The following MTSS1 variants were observed in gnomAD, a reference collection of about 807,000 sequenced individuals.
The protein encoded by MTSS1 is protein MTSS 1.
MTSS1 carries 18 observed loss-of-function variants against 79.0 expected under a neutral mutation model. That is an observed-to-expected ratio of 0.23 (90% confidence interval 0.16 to 0.34). The LOEUF is 0.34. Among genes scored for constraint, MTSS1 ranks in the 10% least tolerant of loss-of-function variants. MTSS1 has a pLI of 1.00. For missense variants in MTSS1, 815 were observed against 986.2 expected (o/e 0.83, Z 2.33); for synonymous variants, 341 against 368.6 (o/e 0.93, Z 0.86).
chr8:124,657,504 C>T (rs1254786321), intron 3 of MTSS1, among the ~76,000 whole-genome samples: 1 of 150,264 alleles, frequency 6.7e-6, no homozygotes, highest in South Asian at 2.1e-4. Flanking sequence ...AGAGGACACA[C>T]ACTACTTAGT....
At chr8:124,611,901 C>T (rs1835886571) in intron 3 of MTSS1, among the ~76,000 whole-genome samples, 1 of 152,144 alleles carries the variant, frequency 6.6e-6, no homozygotes, top group African/African-American at 2.4e-5. Flanking sequence ...AAGATGGCAC[C>T]TGTGAACAGG....
chr8:124,725,148 G>C (rs907269473), intron 1 of MTSS1, among the ~76,000 whole-genome samples: 1 of 152,084 alleles, frequency 6.6e-6, no homozygotes, highest in Non-Finnish European at 1.5e-5. Flanking sequence ...TGCTTTACAT[G>C]GTGCTGTTCC....
intron 5 of MTSS1, among the ~76,000 whole-genome samples, chr8:124,587,055 G>A (rs1830985401): frequency 6.6e-6 from 1 of 152,226 alleles, no homozygotes; most frequent in Non-Finnish European, 1.5e-5. Flanking sequence ...AGTAGAAGGA[G>A]GCTCCTGCAG....
At chr8:124,570,705 A>G (rs1432579900) in intron 6 of MTSS1, among the ~76,000 whole-genome samples, 1 of 152,028 alleles carries the variant, frequency 6.6e-6, no homozygotes, top group Admixed American at 6.6e-5. Context: ...GTCTCTGCAT[A>G]ATTTTCTCCT....
intron 10 of MTSS1, 25 bp from the exon 11 acceptor site, chr8:124,557,900 G>A (rs1315062852): frequency 6.6e-7 from 1 of 1,524,274 alleles, no homozygotes; most frequent in South Asian, 1.2e-5. Flanking sequence ...AAAAAGGGGG[G>A]GGGAAGGAAA....
At chr8:124,592,277 A>G (rs1170262636) in intron 3 of MTSS1, among the ~76,000 whole-genome samples, 1 of 152,226 alleles carries the variant, frequency 6.6e-6, no homozygotes. Flanking sequence ...TGCTTGAATC[A>G]GCATTTACTG....
intron 3 of MTSS1, among the ~76,000 whole-genome samples, chr8:124,623,002 C>T (rs1813907683): frequency 6.6e-6 from 1 of 152,160 alleles, no homozygotes; most frequent in Non-Finnish European, 1.5e-5. Flanking sequence ...CCCTGTGTAA[C>T]AGTAAGAACG....
At chr8:124,676,376 G>A (rs1825290679) in intron 3 of MTSS1, among the ~76,000 whole-genome samples, 1 of 152,088 alleles carries the variant, frequency 6.6e-6, no homozygotes, top group African/African-American at 2.4e-5. Context: ...CCAAATCTTT[G>A]CCATCTAATT....
At chr8:124,650,347 A>G (rs1819732548) in intron 3 of MTSS1, among the ~76,000 whole-genome samples, 1 of 152,134 alleles carries the variant, frequency 6.6e-6, no homozygotes, top group African/African-American at 2.4e-5. Context: ...TATGTTTTAA[A>G]GGGCTGTGAA....
chr8:124,633,751 G>A (rs1232832883), intron 3 of MTSS1, among the ~76,000 whole-genome samples: 1 of 150,306 alleles, frequency 6.7e-6, no homozygotes, highest in Non-Finnish European at 1.5e-5. Context: ...CAGCCTGGGC[G>A]ACAGAGCAAG....
At chr8:124,620,800 A>T (rs752087093) in intron 3 of MTSS1, among the ~76,000 whole-genome samples, 8 of 152,362 alleles carry the variant, frequency 5.3e-5, no homozygotes, top group Non-Finnish European at 8.8e-5. Flanking sequence ...ACATCTTTTC[A>T]TCTTCCTGCA....
chr8:124,556,547 A>G, intron 11 of MTSS1, 142 bp from the exon 12 acceptor site: 6 of 907,518 alleles, frequency 6.6e-6, no homozygotes, highest in Non-Finnish European at 9.7e-6. Flanking sequence ...GGCCCTCTGC[A>G]TGCCCTCTCC....
chr8:124,587,133 A>T (rs1187609224), intron 5 of MTSS1, among the ~76,000 whole-genome samples: 1 of 152,134 alleles, frequency 6.6e-6, no homozygotes, highest in Non-Finnish European at 1.5e-5. Flanking sequence ...GTGAGGAGAG[A>T]CCTGCGCAGG....
At chr8:124,588,788 T>C (rs1338280761) in intron 5 of MTSS1, among the ~76,000 whole-genome samples, 2 of 152,090 alleles carry the variant, frequency 1.3e-5, no homozygotes, top group Non-Finnish European at 2.9e-5. Context: ...AATCTCTGCT[T>C]ACTGCAACCT....
intron 6 of MTSS1, among the ~76,000 whole-genome samples, chr8:124,574,728 C>T (rs114930513): frequency 0.011 from 1,680 of 152,274 alleles, 39 homozygotes; most frequent in African/African-American, 0.039. Context: ...GAAGAGCAAA[C>T]CCAGAATACA....
intron 3 of MTSS1, among the ~76,000 whole-genome samples, chr8:124,665,849 A>G (rs1822963476): frequency 6.8e-6 from 1 of 147,812 alleles, no homozygotes; most frequent in Admixed American, 6.8e-5. Context: ...CCTGGGCAAT[A>G]CGAGTGAAAC....
At chr8:124,698,426 T>C (rs1171663991) in intron 3 of MTSS1, among the ~76,000 whole-genome samples, 1 of 151,962 alleles carries the variant, frequency 6.6e-6, no homozygotes, top group Non-Finnish European at 1.5e-5. Flanking sequence ...AGTAGCTGCA[T>C]TGCAATGAAA....
At chr8:124,560,111 C>G (rs1824961332) in intron 10 of MTSS1, among the ~76,000 whole-genome samples, 1 of 152,218 alleles carries the variant, frequency 6.6e-6, no homozygotes, top group Non-Finnish European at 1.5e-5. Context: ...ACTCTGAGCT[C>G]AGTGTCTGGT....
At chr8:124,585,606 G>A (rs1201875131) in intron 5 of MTSS1, among the ~76,000 whole-genome samples, 1 of 151,854 alleles carries the variant, frequency 6.6e-6, no homozygotes, top group Non-Finnish European at 1.5e-5. Context: ...GTAGAGATGG[G>A]GTTTCACCAT....
Sources: gnomAD v4.1 joint callset for allele counts (sites outside exome capture counted in the v4.1 genomes callset) on GRCh38, gnomAD v4.1.1 for gene constraint, MANE v1.5 for transcripts, NCBI Gene and HGNC (gene_info 2026-07-23, HGNC 2026-07-21) for gene names.